Variants in RP1 observed in about 807,000 individuals in gnomAD.
The protein encoded by RP1 is RP1 axonemal microtubule associated.
RP1 carries 16 observed loss-of-function variants against 14.8 expected under a neutral mutation model. That is an observed-to-expected ratio of 1.08 (90% confidence interval 0.73 to 1.65). The LOEUF is 1.65. RP1 is among the 40% of genes most tolerant of loss of function. The probability of loss-of-function intolerance (pLI) is 0.00; values close to 1 mark genes in which losing one functional copy is unlikely to be tolerated. For synonymous variants in RP1, 876 were observed against 883.6 expected, an observed-to-expected ratio of 0.99 and a Z score of 0.15; for missense variants, 2,631 against 2,535.0, an observed-to-expected ratio of 1.04 and a Z score of -0.81.
At chr8:54,762,745 G>A (rs933310028) in intron 22 of RP1, among the ~76,000 whole-genome samples, 4 of 152,156 alleles carry the variant, frequency 2.6e-5, no homozygotes, top group Non-Finnish European at 2.9e-5. Context: ...AGTGATCCAC[G>A]ATCCAGGTGT....
At chr8:54,565,070 C>T (rs757756169) in intron 1 of RP1, among the ~76,000 whole-genome samples, 14 of 152,142 alleles carry the variant, frequency 9.2e-5, no homozygotes, top group Non-Finnish European at 1.6e-4. Flanking sequence ...AGCTGAGAAC[C>T]ACAGCTTCTC....
At chr8:54,563,569 G>A (rs76624441) in intron 1 of RP1, among the ~76,000 whole-genome samples, 2,873 of 151,796 alleles carry the variant, frequency 0.019, 55 homozygotes, top group Non-Finnish European at 0.029. Flanking sequence ...GTTTGTTTGC[G>A]ATGGGGTCTT....
intron 1 of RP1, among the ~76,000 whole-genome samples, chr8:54,574,807 A>G (rs767285945): frequency 6.6e-6 from 1 of 152,160 alleles, no homozygotes; most frequent in Non-Finnish European, 1.5e-5. Context: ...GTGTTGGGTT[A>G]CCTAGGAACG....
chr8:54,755,525 A>G (rs1304606369), intron 20 of RP1: 2 of 1,225,144 alleles, frequency 1.6e-6, no homozygotes, highest in Non-Finnish European at 2.3e-6. Context: ...TTCTTTTTTT[A>G]CTATAGCCTG....
At chr8:54,814,204 A>T (rs1466644829) in intron 24 of RP1, among the ~76,000 whole-genome samples, 2 of 152,194 alleles carry the variant, frequency 1.3e-5, no homozygotes, top group Non-Finnish European at 2.9e-5. Context: ...TTAAGTAAAA[A>T]GTCAAAATTC....
At chr8:54,706,620 T>C in exon 15 of RP1, 1 of 1,536,070 alleles carries the variant, frequency 6.5e-7, no homozygotes, top group Non-Finnish European at 8.7e-7. Context: ...TGCACAAATG[T>C]ATCTAAGAAT....
intron 18 of RP1, among the ~76,000 whole-genome samples, chr8:54,737,406 T>G (rs1045066576): frequency 2.6e-5 from 4 of 152,206 alleles, no homozygotes; most frequent in African/African-American, 9.6e-5. Flanking sequence ...TGTTTTCACT[T>G]AAATTGTGGA....
chr8:54,732,093 G>T (rs1808808449), intron 17 of RP1, among the ~76,000 whole-genome samples: 1 of 152,096 alleles, frequency 6.6e-6, no homozygotes, highest in African/African-American at 2.4e-5. Context: ...ATAATATCTT[G>T]TGTTCAGCTG....
At chr8:54,717,621 CA>C (rs1808434497) in intron 15 of RP1, among the ~76,000 whole-genome samples, 1 of 152,020 alleles carries the variant, frequency 6.6e-6, no homozygotes, top group Non-Finnish European at 1.5e-5. Context: ...AGAATACCTA[CA>C]AAAAACTTGC....
exon 7 of RP1, chr8:54,663,703 A>G (rs1438006948): frequency 5.3e-6 from 8 of 1,518,654 alleles, no homozygotes; most frequent in East Asian, 2.5e-5. Context: ...TGTCAGTGAC[A>G]ATATATGAAG....
intron 4 of RP1, among the ~76,000 whole-genome samples, chr8:54,652,223 G>A (rs1806669988): frequency 6.6e-6 from 1 of 152,072 alleles, no homozygotes; most frequent in African/African-American, 2.4e-5. Context: ...GGCCAGGCTG[G>A]TCTTGAACTC....
chr8:54,789,232 G>T (rs1255600312), intron 24 of RP1, among the ~76,000 whole-genome samples: 2 of 152,190 alleles, frequency 1.3e-5, no homozygotes, highest in African/African-American at 2.4e-5. Flanking sequence ...CTTAGTCAGT[G>T]TCTCTGCCTA....
intron 15 of RP1, chr8:54,706,732 G>T: frequency 7.0e-7 from 1 of 1,437,918 alleles, no homozygotes; most frequent in Non-Finnish European, 9.4e-7. Flanking sequence ...AGCACTTTCT[G>T]AGTGGGTTTT....
chr8:54,742,047 T>TA (rs1158906973), intron 19 of RP1, among the ~76,000 whole-genome samples: 1 of 152,000 alleles, frequency 6.6e-6, no homozygotes. Context: ...ATGGTCTTAT[T>TA]GTATGTTGGA....
chr8:54,686,186 G>A (rs1433991466), intron 12 of RP1, among the ~76,000 whole-genome samples: 1 of 152,080 alleles, frequency 6.6e-6, no homozygotes, highest in Non-Finnish European at 1.5e-5. Flanking sequence ...GCAACAGGAG[G>A]TCTTTTATGT....
intron 11 of RP1, chr8:54,679,703 C>G: frequency 1.3e-6 from 2 of 1,523,180 alleles, no homozygotes; most frequent in Non-Finnish European, 1.8e-6. Context: ...TAAAACAAAA[C>G]AGCCTATAGA....
intron 1 of RP1, among the ~76,000 whole-genome samples, chr8:54,588,456 A>C (rs1020620003): frequency 6.6e-6 from 1 of 152,228 alleles, no homozygotes; most frequent in Non-Finnish European, 1.5e-5. Flanking sequence ...TTTGAAGATT[A>C]GAATAAACAG....
intron 23 of RP1, among the ~76,000 whole-genome samples, chr8:54,779,902 A>G (rs1323656539): frequency 6.6e-6 from 1 of 152,226 alleles, no homozygotes. Flanking sequence ...CAGCTATTCT[A>G]GTTATCTATT....
rs117177066 is a variant in RP1 at position 54,791,167 on chromosome 8, C to T, written c.3615+7457C>T. Among the ~76,000 whole-genome samples, 198 of 152,226 alleles carry T rather than the reference C, an allele frequency of 1.3e-3. 2 individuals carry two copies. In the East Asian group the frequency reaches 0.017, roughly 13 times the overall value. ...GACTGTCAGTGGATTTCTAGCAGAA[C>T]GCTTGCAGGCTGGGAAAGAGTGGGA... is the stretch of plus-strand genomic sequence containing the variant. On this transcript the variant is annotated intron_variant, in intron 24 of 28. Transcript: ENST00000637698.
Sources: allele counts gnomAD v4.1 joint callset (sites outside exome capture counted in the v4.1 genomes callset), GRCh38; gene constraint gnomAD v4.1.1; transcripts MANE v1.5; gene names NCBI Gene and HGNC (gene_info 2026-07-23, HGNC 2026-07-21).